The following GOLGA4 variants were observed in gnomAD, a reference collection of about 807,000 sequenced individuals.
GOLGA4 encodes the protein golgin A4.
Under a neutral mutation model 265.9 loss-of-function variants are expected in GOLGA4, and 169 were observed. The ratio of observed to expected loss-of-function variants is 0.64; its 90% confidence interval spans 0.56 to 0.72. The LOEUF is 0.72. Ranked by LOEUF, GOLGA4 falls within the 30% of genes least tolerant of loss-of-function variation. The pLI, the probability that GOLGA4 is intolerant of heterozygous loss-of-function variation, is 0.00. For synonymous variants in GOLGA4, 923 were observed against 855.8 expected (o/e 1.08, Z -1.37); for missense variants, 2,482 against 2,483.4 (o/e 1.00, Z 0.01).
At position 37,326,904 on chromosome 3, in the gene GOLGA4, A is replaced by G. The variant is rs137974637; in HGVS notation, c.5018A>G (p.His1673Arg). 2.5e-4 allele frequency: 404 copies of G among 1,613,792 alleles called. No homozygotes were observed. Among genetic ancestry groups the G allele is most frequent in the Middle Eastern group, 6.6e-4 (4 of 6,080 alleles). ...CAGTATAAAAAAGGTACAGAAAGCC[A>G]TTTGAGTGAGCTAAATACAAAATTG... is the stretch of plus-strand genomic sequence containing the variant. ...EEQYKKGTES[H>R]LSELNTKLQE... is the part of the protein sequence containing the mutation. The change falls in exon 14 of 24, where the codon CAT becomes CGT. Residue 1673 changes from histidine to arginine, a missense_variant. His to Arg is a conservative substitution (Grantham distance 29). Around this residue, in one of 3 missense-constraint regions of GOLGA4, gnomAD observed 942 missense variants for 983.1 expected, o/e 0.96. Coordinates refer to ENST00000361924, the MANE Select transcript of GOLGA4 (RefSeq NM_002078.5).
intron 10 of GOLGA4, among the ~76,000 whole-genome samples, chr3:37,305,631 T>C (rs1236087392): frequency 2.0e-5 from 3 of 152,210 alleles, no homozygotes; most frequent in Non-Finnish European, 4.4e-5. Flanking sequence ...TTTTATTCTT[T>C]GTTAGATTTA....
chr3:37,314,599 C>T (rs2096931963), intron 10 of GOLGA4, among the ~76,000 whole-genome samples: 1 of 151,356 alleles, frequency 6.6e-6, no homozygotes, highest in Non-Finnish European at 1.5e-5. Flanking sequence ...TGAGATCGCA[C>T]CACTGCACTC....
Position 37,289,277 on chromosome 3 carries a change from G to A in GOLGA4, c.568G>A (p.Ala190Thr). The A allele has an allele frequency of 6.3e-7, 1 of 1,576,716 alleles. No individual in the cohort carries two copies. The highest frequency in any genetic ancestry group is 1.1e-5 in the South Asian group (1 of 89,244). The change falls in exon 5 of 24, where the codon GCA becomes ACA. Residue 190 changes from alanine (A) to threonine (T), a missense_variant. Physicochemically the swap from Ala to Thr is moderately conservative, Grantham distance 58. Transcript: ENST00000361924. ...TCAGGATAAATCACTTCGGAGAATA[G>A]CAGAATTAAGAGAGGTAAGTTTCAG... is the stretch of plus-strand genomic sequence containing the variant. ...QSQDKSLRRIAELREELQMDQ... is the reference protein window; with the variant it reads ...QSQDKSLRRITELREELQMDQ...
intron 12 of GOLGA4, among the ~76,000 whole-genome samples, chr3:37,320,673 A>G (rs2096952372): frequency 6.6e-6 from 1 of 152,246 alleles, no homozygotes; most frequent in South Asian, 2.1e-4. Flanking sequence ...TAAGGAACAA[A>G]GTGGGAAATA....
At chr3:37,339,515 A>G (rs2097025854) in intron 19 of GOLGA4, among the ~76,000 whole-genome samples, 1 of 152,198 alleles carries the variant, frequency 6.6e-6, no homozygotes, top group Non-Finnish European at 1.5e-5. Context: ...ATTACCATCA[A>G]CAAAGTATAA....
chr3:37,363,225 G>A (rs1165172440), intron 23 of GOLGA4, among the ~76,000 whole-genome samples: 1 of 152,080 alleles, frequency 6.6e-6, no homozygotes, highest in Non-Finnish European at 1.5e-5. Context: ...GCAGTACAAT[G>A]CATGGTTTTA....
In GOLGA4 at chr3:37,327,044, G is replaced by T; in HGVS notation, c.5158G>T (p.Glu1720Ter). The T allele has an allele frequency of 1.2e-6, 2 of 1,613,810 alleles. No homozygotes were observed. Among genetic ancestry groups the T allele is most frequent in the South Asian group, 2.2e-5 (2 of 91,020 alleles). Residue 1720 changes from glutamate (E) to a stop codon, truncating the protein, a stop_gained, in exon 14 of 24, where the codon GAA becomes TAA. Coordinates refer to ENST00000361924, the MANE Select transcript of GOLGA4 (RefSeq NM_002078.5). LOFTEE classifies it high-confidence loss of function. The stretch of plus-strand genomic sequence containing the variant: ...AGCAAAAAATGTGGCAGCATATACT[G>T]AACAAGAAGAAGCAGATTCCCAAGG... Reference protein sequence around the residue: ...RSAKNVAAYTEQEEADSQGCV... With the variant: ...RSAKNVAAYT
rs545822015 is a variant in GOLGA4, at chr3:37,326,129, C to A, written c.4243C>A (p.Gln1415Lys). The part of the protein sequence containing the change: ...EEKCELLDQV[Q>K]DLSFKVDTLS... ...AAAATGTGAATTGCTGGATCAGGTG[C>A]AAGATTTATCTTTTAAAGTTGACAC... Residue 1415 changes from glutamine (Q) to lysine (K), a missense_variant, in exon 14 of 24, where the codon CAA becomes AAA. Coordinates refer to ENST00000361924, the MANE Select transcript of GOLGA4 (RefSeq NM_002078.5). 6.2e-7 allele frequency: 1 copy of A among 1,613,652 alleles called. No individual in the cohort carries two copies. The highest frequency in any genetic ancestry group is 1.1e-5 in the South Asian group (1 of 91,016).
intron 23 of GOLGA4, among the ~76,000 whole-genome samples, chr3:37,365,213 C>G (rs772180611): frequency 6.6e-6 from 1 of 152,060 alleles, no homozygotes; most frequent in Non-Finnish European, 1.5e-5. Context: ...GGGAGAATTG[C>G]AATTTGTAGA....
chr3:37,245,939 A>G (rs2096718330), intron 1 of GOLGA4, among the ~76,000 whole-genome samples: 1 of 152,134 alleles, frequency 6.6e-6, no homozygotes, highest in African/African-American at 2.4e-5. Flanking sequence ...TTGCTTGTGA[A>G]TTGTTGTGAT....
At chr3:37,270,342 AC>A (rs1276213202) in intron 2 of GOLGA4, among the ~76,000 whole-genome samples, 1 of 149,972 alleles carries the variant, frequency 6.7e-6, no homozygotes, top group African/African-American at 2.5e-5. Flanking sequence ...AGTAGCTGGG[AC>A]TACAGGTGCC....
At chr3:37,301,749 A>G (rs938667760) in intron 9 of GOLGA4, among the ~76,000 whole-genome samples, 1 of 152,174 alleles carries the variant, frequency 6.6e-6, no homozygotes, top group Non-Finnish European at 1.5e-5. Context: ...TGTACTTAGC[A>G]AGAAATATCA....
At chr3:37,285,486 T>C (rs1164628211) in intron 3 of GOLGA4, among the ~76,000 whole-genome samples, 1 of 152,254 alleles carries the variant, frequency 6.6e-6, no homozygotes, top group Non-Finnish European at 1.5e-5. Flanking sequence ...TGCAGAGCTG[T>C]AGTCACAGAC....
chr3:37,358,021 C>T (rs988071287), intron 22 of GOLGA4, among the ~76,000 whole-genome samples: 1 of 152,070 alleles, frequency 6.6e-6, no homozygotes, highest in African/African-American at 2.4e-5. Context: ...TTATTTTTGC[C>T]TAAGGACTGA....
intron 20 of GOLGA4, among the ~76,000 whole-genome samples, chr3:37,340,680 T>C (rs1482743856): frequency 6.6e-6 from 1 of 152,208 alleles, no homozygotes. Flanking sequence ...AGATTCCACA[T>C]GTAAGTGAGA....
At chr3:37,268,887 C>A (rs2096790723) in intron 2 of GOLGA4, among the ~76,000 whole-genome samples, 1 of 152,188 alleles carries the variant, frequency 6.6e-6, no homozygotes, top group Non-Finnish European at 1.5e-5. Context: ...AAACTTATTT[C>A]TCCCAATGGA....
At chr3:37,307,059 A>T (rs1029137076) in intron 10 of GOLGA4, among the ~76,000 whole-genome samples, 11 of 152,224 alleles carry the variant, frequency 7.2e-5, no homozygotes, top group African/African-American at 2.7e-4. Context: ...ATTATGCAAC[A>T]TGAATAAAGT....
rs1182815716 is a variant in GOLGA4, at chr3:37,243,444, C to T, written c.-107C>T. On this transcript the variant is annotated 5_prime_UTR_variant, in exon 1 of 24. Coordinates refer to ENST00000361924, the MANE Select transcript of GOLGA4 (RefSeq NM_002078.5). ...AGGAGGAGACGGCGAGGCCCGGCCC[C>T]CGCTGTCCCTGGTGTAAAGAAGTCG... 3.2e-6 allele frequency: 3 copies of T among 936,084 alleles called. No individual in the cohort carries two copies. Among genetic ancestry groups the T allele is most frequent in the Admixed American group, 1.9e-5 (1 of 53,370 alleles). The allele number at this position is 936,084 out of a possible 1,614,324, so 58.0% of individuals were successfully genotyped here. A position where few individuals can be genotyped will look rare whatever the true frequency, so the allele number is the denominator to read the frequency against.
Position 37,347,238 on chromosome 3 carries a change from C to T in GOLGA4, c.6518C>T (p.Thr2173Ile). The change falls in exon 21 of 24, where the codon ACC becomes ATC. Residue 2173 changes from threonine to isoleucine, a missense_variant. Thr to Ile is a moderately conservative substitution (Grantham distance 89). Around this residue, in one of 3 missense-constraint regions of GOLGA4, gnomAD observed 942 missense variants for 983.1 expected, o/e 0.96. Transcript: ENST00000361924. ...GATGTCTCACTCTTTGGAGAACCTACCGAATTTGAGTATTTGCGAAAAGTG... is the reference window on the plus strand; with the variant it reads ...GATGTCTCACTCTTTGGAGAACCTATCGAATTTGAGTATTTGCGAAAAGTG... ...HTDVSLFGEP[T>I]EFEYLRKVLF... The T allele has an allele frequency of 6.2e-7, 1 of 1,612,858 alleles. No individual in the cohort carries two copies. The highest frequency in any genetic ancestry group is 8.5e-7 in the Non-Finnish European group (1 of 1,179,250).
Sources: gnomAD v4.1 joint callset for allele counts (sites outside exome capture counted in the v4.1 genomes callset) on GRCh38, gnomAD v4.1.1 for gene constraint, gnomAD v4.1.1 regional missense constraint, MANE v1.5 for transcripts, NCBI Gene and HGNC (gene_info 2026-07-23, HGNC 2026-07-21) for gene names.